The following ZIC5 variants were observed in gnomAD, a reference collection of about 807,000 sequenced individuals.
ZIC5 encodes zinc finger protein ZIC 5.
Under a neutral mutation model 28.5 loss-of-function variants are expected in ZIC5, and 20 were observed. The observed-to-expected ratio is 0.70, with a 90% CI of 0.49 to 1.02. ZIC5 has a LOEUF of 1.02. Ranked by LOEUF, ZIC5 falls within the 50% of genes least tolerant of loss-of-function variation. ZIC5 has a pLI of 0.00. For missense variants in ZIC5, 951 were observed against 899.7 expected, an observed-to-expected ratio of 1.06 and a Z score of -0.73; for synonymous variants, 488 against 410.4, an observed-to-expected ratio of 1.19 and a Z score of -2.29.
intron 1 of ZIC5, among the ~76,000 whole-genome samples, 172 bp from the exon 2 acceptor site, chr13:99,965,991 GA>G (rs1453056891): frequency 1.3e-5 from 2 of 152,180 alleles, no homozygotes; most frequent in African/African-American, 4.8e-5. Context: ...GATGGGCCTG[GA>G]TTCTGCTGAC....
chr13:99,970,339 G>A lies in ZIC5; in HGVS notation c.1265C>T (p.Thr422Met), dbSNP rs1274974235. The A allele has an allele frequency of 1.9e-6, 3 of 1,608,502 alleles. No individual in the cohort carries two copies. The highest frequency in any genetic ancestry group is 2.5e-6 in the Non-Finnish European group (3 of 1,178,198). ...CTCGGGGCCTCCCACGTGCTCCACC[G>A]TGACGTGATTCACCAGCTCGTGCAT... ...GTMHELVNHV[T>M]VEHVGGPEQS... Residue 422 changes from threonine to methionine, a missense_variant, in exon 1 of 2, where the codon ACG becomes ATG. Thr to Met is a moderately conservative substitution (Grantham distance 81). Around this residue, in one of 3 missense-constraint regions of ZIC5, gnomAD observed 784 missense variants for 660.1 expected, o/e 1.19. Coordinates refer to ENST00000267294, the MANE Select transcript of ZIC5 (RefSeq NM_033132.5).
chr13:99,965,479 C>T lies in ZIC5; in HGVS notation c.1818G>A (p.Gly606=), dbSNP rs2053093198. The T allele has an allele frequency of 6.2e-7, 1 of 1,613,864 alleles. No homozygotes were observed. Among genetic ancestry groups the T allele is most frequent in the Admixed American group, 1.7e-5 (1 of 59,988 alleles). ...AAGGGGTGTGGAGGTGGCTGGGGGC[C>T]CCACTGGCCTGGCAAACGTACCACT... ...LNEWYVCQAS[G]APSHLHTPSS... is the part of the protein sequence containing the mutation. Residue 606 remains glycine, a synonymous_variant, in exon 2 of 2, where the codon GGG becomes GGA. Transcript: ENST00000267294.
chr13:99,965,395 A>T lies in ZIC5; in HGVS notation c.1902T>A (p.Val634=). The T allele has an allele frequency of 6.2e-7, 1 of 1,613,942 alleles. No homozygotes were observed. Among genetic ancestry groups the T allele is most frequent in the South Asian group, 1.1e-5 (1 of 91,030 alleles). ...EDEEIYGNPE[V]VRTIH Reference sequence around the variant, plus strand: ...ATAAATTCTAATGTATCGTCCGCACAACTTCAGGGTTCCCGTAAATTTCCT... The same window carrying T: ...ATAAATTCTAATGTATCGTCCGCACTACTTCAGGGTTCCCGTAAATTTCCT... Residue 634 remains valine (V), a synonymous_variant, in exon 2 of 2, where the codon GTT becomes GTA. Transcript: ENST00000267294.
At position 99,964,946 on chromosome 13, in the gene ZIC5, G is replaced by A. The variant is rs985919684; in HGVS notation, c.*431C>T. On this transcript the variant is annotated 3_prime_UTR_variant, in exon 2 of 2. Transcript: ENST00000267294. ...AGAGGCACTCTGGGAAATGCAGAGG[G>A]CCTTGGTGCTGTGTTAAGTTCTGAC... is the stretch of plus-strand genomic sequence containing the variant. 4 of 150,442 alleles carry A rather than the reference G, an allele frequency of 2.7e-5. No individual in the cohort carries two copies. Among genetic ancestry groups the A allele is most frequent in the Non-Finnish European group, 5.9e-5 (4 of 67,734 alleles). The allele number at this position is 150,442 out of a possible 1,614,324, so 9.3% of individuals were successfully genotyped here. A position where few individuals can be genotyped will look rare whatever the true frequency, so the allele number is the denominator to read the frequency against.
intron 1 of ZIC5, among the ~76,000 whole-genome samples, chr13:99,969,419 G>A (rs2152155481): frequency 6.6e-6 from 1 of 152,310 alleles, no homozygotes; most frequent in Non-Finnish European, 1.5e-5. Context: ...AGGACACACA[G>A]GTGTCGCGGG....
At chr13:99,970,089 T>TGGCGGCGGC (rs752145086) in intron 1 of ZIC5, 38 bp downstream of exon 1, 1 of 1,588,986 alleles carries the variant, frequency 6.3e-7, no homozygotes, top group Non-Finnish European at 8.5e-7. Flanking sequence ...CAGGAGCTGG[T>TGGCGGCGGC]GGCGGCGGCG....
At chr13:99,969,150 G>A (rs2053125264) in intron 1 of ZIC5, among the ~76,000 whole-genome samples, 1 of 152,222 alleles carries the variant, frequency 6.6e-6, no homozygotes, top group Admixed American at 6.5e-5. Flanking sequence ...GCCATCCACC[G>A]CCTCGCGCCG....
chr13:99,970,015 A>G lies in ZIC5; in HGVS notation c.1477+112T>C, dbSNP rs969774233. 30 of 1,513,012 alleles carry G rather than the reference A, an allele frequency of 2.0e-5. No homozygotes were observed. The African/African-American group carries it at 2.7e-4, about 13-fold the overall frequency. 93.7% of individuals were successfully genotyped at this position (1,513,012 alleles called of 1,614,324 possible). On this transcript the variant is annotated intron_variant, in intron 1 of 1. Coordinates refer to ENST00000267294, the MANE Select transcript of ZIC5 (RefSeq NM_033132.5). The stretch of plus-strand genomic sequence containing the variant: ...ATACGTATGCGAAGAGAAGCAGCAG[A>G]AGGAGAAAAAAATTAAGGCGAGCAG...
In ZIC5 at chr13:99,971,114, T is replaced by TGCC. The variant is rs774136961; in HGVS notation, c.487_489dup (p.Gly163dup). The TGCC allele has an allele frequency of 7.8e-6, 11 of 1,416,392 alleles. No individual in the cohort carries two copies. Among genetic ancestry groups the TGCC allele is most frequent in the South Asian group, 4.4e-5 (3 of 67,820 alleles). 87.7% of individuals were successfully genotyped at this position (1,416,392 alleles called of 1,614,324 possible). A position where few individuals can be genotyped will look rare whatever the true frequency, so the allele number is the denominator to read the frequency against. On this transcript the variant is annotated inframe_insertion, in exon 1 of 2. Transcript: ENST00000267294. ...TCCCTGCTGTGGCCTTTGCCGCTGC[T>TGCC]GCCGCCGCCGCCACTGTTGGTGGTG...
In ZIC5 at chr13:99,965,402, G is replaced by C. The variant is rs747550842; in HGVS notation, c.1895C>G (p.Pro632Arg). The C allele has an allele frequency of 1.9e-6, 3 of 1,613,962 alleles. No homozygotes were observed. In the Admixed American group the frequency reaches 5.0e-5, roughly 27 times the overall value. ...ETEDEEIYGN[P>R]EVVRTIH ...CTAATGTATCGTCCGCACAACTTCAGGGTTCCCGTAAATTTCCTCATCTTC... is the reference window on the plus strand; with the variant it reads ...CTAATGTATCGTCCGCACAACTTCACGGTTCCCGTAAATTTCCTCATCTTC... The change falls in exon 2 of 2, where the codon CCT (proline) becomes CGT (arginine). Residue 632 changes from proline (P) to arginine (R), a missense_variant. Around this residue, in one of 3 missense-constraint regions of ZIC5, gnomAD observed 108 missense variants for 118.4 expected, o/e 0.91. Transcript: ENST00000267294.
Position 99,971,654 on chromosome 13 carries a change from C to T in ZIC5, c.-51G>A. Reference sequence around the variant, plus strand: ...ACCCTCACTGGGGGGACTTTATTCCCTCTGCCCGCCTTCAAAAACATGTAT... The same window carrying T: ...ACCCTCACTGGGGGGACTTTATTCCTTCTGCCCGCCTTCAAAAACATGTAT... On this transcript the variant is annotated 5_prime_UTR_variant, in exon 1 of 2. Transcript: ENST00000267294. 1 of 1,558,316 alleles carries T rather than the reference C, an allele frequency of 6.4e-7. No homozygotes were observed. Among genetic ancestry groups the T allele is most frequent in the Non-Finnish European group, 8.7e-7 (1 of 1,149,952 alleles).
Position 99,963,760 on chromosome 13 carries a change from G to GA in ZIC5, c.*1616dup, listed in dbSNP as rs571401354. 24,821 of 131,350 alleles carry GA rather than the reference G, an allele frequency of 0.19. 2,494 individuals carry two copies. The highest frequency in any genetic ancestry group is 0.26 in the Middle Eastern group (71 of 270). The allele number at this position is 131,350 out of a possible 1,614,324, so 8.1% of individuals were successfully genotyped here. A position where few individuals can be genotyped will look rare whatever the true frequency, so the allele number is the denominator to read the frequency against. ...GTGTGCTTTGAACTCTTCCAGGAAAGAAAAAAAAAAAGGATGATGTCTGAA... is the reference window on the plus strand; with the variant it reads ...GTGTGCTTTGAACTCTTCCAGGAAAGAAAAAAAAAAAAGGATGATGTCTGAA... On this transcript the variant is annotated 3_prime_UTR_variant, in exon 2 of 2. Coordinates refer to ENST00000267294, the MANE Select transcript of ZIC5 (RefSeq NM_033132.5).
At chr13:99,966,143 C>A (rs1334596530) in intron 1 of ZIC5, among the ~76,000 whole-genome samples, 1 of 152,142 alleles carries the variant, frequency 6.6e-6, no homozygotes, top group East Asian at 1.9e-4. Flanking sequence ...GACCCCCTCC[C>A]CCGACAGACA....
chr13:99,968,785 A>C (rs2053121667), intron 1 of ZIC5, among the ~76,000 whole-genome samples: 1 of 152,148 alleles, frequency 6.6e-6, no homozygotes, highest in Non-Finnish European at 1.5e-5. Flanking sequence ...AAAAATCATT[A>C]AGGCGGACTG....
chr13:99,971,354 A>T lies in ZIC5; in HGVS notation c.250T>A (p.Ser84Thr). Residue 84 changes from serine (S) to threonine (T), a missense_variant, in exon 1 of 2, where the codon TCC (serine) becomes ACC (threonine). This residue lies in a region of ZIC5 where 784 missense variants were observed against 660.1 expected (regional missense o/e 1.19). Transcript: ENST00000267294. ...TCCGGGTGTGCCGGGAACGCCTGGG[A>T]GGGAGGGCTGAGGCCCAGCGTGCTC... ...QASTLGLSPP[S>T]QAFPAHPEAP... The T allele has an allele frequency of 7.0e-7, 1 of 1,436,550 alleles. No individual in the cohort carries two copies. The highest frequency in any genetic ancestry group is 9.0e-7 in the Non-Finnish European group (1 of 1,107,216). The allele number at this position is 1,436,550 out of a possible 1,614,324, so 89.0% of individuals were successfully genotyped here.
In ZIC5 at chr13:99,971,354, AG is replaced by A; in HGVS notation, c.249del (p.Ser84ProfsTer223). ...AQASTLGLSPPSQAFPAHPEA... is the reference protein window; with the variant it reads ...AQASTLGLSPXSQAFPAHPEA... ...TCCGGGTGTGCCGGGAACGCCTGGG[AG>A]GGAGGGCTGAGGCCCAGCGTGCTCG... On this transcript the variant is annotated frameshift_variant, in exon 1 of 2. Transcript: ENST00000267294. LOFTEE classifies it high-confidence loss of function. 7.0e-7 allele frequency: 1 copy of A among 1,436,550 alleles called. No homozygotes were observed. The highest frequency in any genetic ancestry group is 9.0e-7 in the Non-Finnish European group (1 of 1,107,216). 89.0% of individuals were successfully genotyped at this position (1,436,550 alleles called of 1,614,324 possible).
At chr13:99,968,669 G>A (rs1566397107) in intron 1 of ZIC5, among the ~76,000 whole-genome samples, 2 of 152,178 alleles carry the variant, frequency 1.3e-5, no homozygotes, top group Non-Finnish European at 2.9e-5. Context: ...GCGGCTTCAC[G>A]GTCCCTGGAT....
chr13:99,963,650 T>C lies in ZIC5; in HGVS notation c.*1727A>G, dbSNP rs1472737622. ...ATTCAAGTAAGCTTAAAAATATATT[T>C]TTCCATTTTCTTTCCTTTTTTTTTT... On this transcript the variant is annotated 3_prime_UTR_variant, in exon 2 of 2. Transcript: ENST00000267294. The C allele has an allele frequency of 6.6e-6, 1 of 152,434 alleles. No individual in the cohort carries two copies. Among genetic ancestry groups the C allele is most frequent in the Non-Finnish European group, 1.5e-5 (1 of 67,982 alleles). The allele number at this position is 152,434 out of a possible 1,614,324, so 9.4% of individuals were successfully genotyped here. A position where few individuals can be genotyped will look rare whatever the true frequency, so the allele number is the denominator to read the frequency against.
intron 1 of ZIC5, among the ~76,000 whole-genome samples, chr13:99,969,863 C>T (rs1475503200): frequency 1.4e-5 from 2 of 147,112 alleles, no homozygotes; most frequent in Admixed American, 1.3e-4. Flanking sequence ...GGCCGAGGGG[C>T]TGCGGGCGCG....
Sources: allele counts gnomAD v4.1 joint callset (sites outside exome capture counted in the v4.1 genomes callset), GRCh38; gene constraint gnomAD v4.1.1; regional missense constraint gnomAD v4.1.1; transcripts MANE v1.5; gene names NCBI Gene and HGNC (gene_info 2026-07-23, HGNC 2026-07-21).